FSTL4: variants seen among roughly 807,000 people sequenced by gnomAD.
The protein encoded by FSTL4 is follistatin-related protein 4.
FSTL4 carries 28 observed loss-of-function variants against 78.2 expected under a neutral mutation model. That is an observed-to-expected ratio of 0.36 (90% CI 0.27 to 0.49). The LOEUF is 0.49. Ranked by LOEUF, FSTL4 falls within the 20% of genes least tolerant of loss-of-function variation. The pLI is 0.98. For synonymous variants in FSTL4, 422 were observed against 440.5 expected (o/e 0.96, Z 0.53); for missense variants, 922 against 1,084.9 (o/e 0.85, Z 2.11).
the FSTL4 span, among the ~76,000 whole-genome samples, chr5:133,814,772 C>G: frequency 1.3e-5 from 2 of 152,142 alleles, no homozygotes; most frequent in African/African-American, 4.8e-5. Flanking sequence ...AAACAAATTG[C>G]AACAATGAGA....
At chr5:133,460,878 C>T (rs1757578240) in intron 3 of FSTL4, among the ~76,000 whole-genome samples, 1 of 152,222 alleles carries the variant, frequency 6.6e-6, no homozygotes, top group South Asian at 2.1e-4. Flanking sequence ...AAATCTGTTT[C>T]CTTCAGGTTA....
intron 4 of FSTL4, among the ~76,000 whole-genome samples, chr5:133,334,296 C>A (rs1194325411): frequency 6.6e-6 from 1 of 152,224 alleles, no homozygotes; most frequent in Non-Finnish European, 1.5e-5. Flanking sequence ...TCCACACTCA[C>A]ATGAAGCTTT....
At chr5:133,705,217 G>A in the FSTL4 span, among the ~76,000 whole-genome samples, 4 of 152,024 alleles carry the variant, frequency 2.6e-5, no homozygotes, top group Non-Finnish European at 4.4e-5. Context: ...CTGCCATCAC[G>A]CCCGGCTAAT....
the FSTL4 span, among the ~76,000 whole-genome samples, chr5:133,746,883 G>T: frequency 5.9e-5 from 9 of 152,106 alleles, no homozygotes; most frequent in Non-Finnish European, 1.2e-4. Context: ...GAGAATACCG[G>T]GCAGATGAGA....
chr5:133,712,141 G>A, the FSTL4 span, among the ~76,000 whole-genome samples: 4 of 152,178 alleles, frequency 2.6e-5, no homozygotes, highest in African/African-American at 9.7e-5. Flanking sequence ...AGTCCACTGA[G>A]GCCAACTCAG....
intron 3 of FSTL4, among the ~76,000 whole-genome samples, chr5:133,431,081 T>A (rs1007522345): frequency 2.6e-5 from 4 of 152,074 alleles, no homozygotes; most frequent in African/African-American, 9.7e-5. Context: ...AGGGAGAAAT[T>A]TCTAAGTCAA....
chr5:133,234,436 G>A (rs187463610), intron 7 of FSTL4, among the ~76,000 whole-genome samples: 219 of 152,326 alleles, frequency 1.4e-3, no homozygotes, highest in African/African-American at 5.1e-3. Context: ...AGAGTCCCCT[G>A]ATGAGCACTG....
intron 4 of FSTL4, among the ~76,000 whole-genome samples, chr5:133,372,037 A>G (rs1293494527): frequency 1.3e-5 from 2 of 152,198 alleles, no homozygotes. Context: ...CAAGCAGGGC[A>G]TTTGAAATTG....
chr5:133,841,516 C>G, the FSTL4 span, among the ~76,000 whole-genome samples: 1 of 152,234 alleles, frequency 6.6e-6, no homozygotes, highest in African/African-American at 2.4e-5. Flanking sequence ...TATTGACCAC[C>G]TACTATGTAC....
intron 7 of FSTL4, among the ~76,000 whole-genome samples, chr5:133,234,381 C>A (rs1173371721): frequency 1.3e-5 from 2 of 152,160 alleles, no homozygotes; most frequent in Non-Finnish European, 2.9e-5. Context: ...CTTACTGGGC[C>A]AGTGCACAGA....
chr5:133,447,056 C>T (rs752231003), intron 3 of FSTL4, among the ~76,000 whole-genome samples: 16 of 152,282 alleles, frequency 1.1e-4, no homozygotes, highest in African/African-American at 3.6e-4. Flanking sequence ...GCTCCCCTGC[C>T]GATGCTCTGA....
rs771932941 is a variant in FSTL4 at position 133,233,466 on chromosome 5, A to G, written c.966T>C (p.His322=). ...TTIHMGNYTC[H]ASGHEQLFQT... is the part of the protein sequence containing the mutation. ...GGAACAGCTGCTCGTGGCCGGAAGC[A>G]TGGCAGGTGTAATTGCCCATGTGGA... The change falls in exon 8 of 16, where the codon CAT becomes CAC. Residue 322 remains histidine (H), a synonymous_variant. Transcript: ENST00000265342. The G allele has an allele frequency of 1.9e-6, 3 of 1,614,226 alleles. No individual in the cohort carries two copies. Among genetic ancestry groups the G allele is most frequent in the African/African-American group, 1.3e-5 (1 of 75,068 alleles).
chr5:133,794,090 C>T, the FSTL4 span, among the ~76,000 whole-genome samples: 14 of 152,192 alleles, frequency 9.2e-5, no homozygotes, highest in Non-Finnish European at 1.3e-4. Flanking sequence ...CGCCCTTGAA[C>T]ATGGGGCTGC....
chr5:133,430,579 C>T (rs998886653), intron 3 of FSTL4, among the ~76,000 whole-genome samples: 4 of 152,156 alleles, frequency 2.6e-5, no homozygotes, highest in East Asian at 1.9e-4. Flanking sequence ...AGGCATGCCT[C>T]GGCACCACCC....
chr5:133,629,711 C>G, the FSTL4 span, among the ~76,000 whole-genome samples: 3 of 152,154 alleles, frequency 2.0e-5, no homozygotes, highest in African/African-American at 7.2e-5. Flanking sequence ...AATTTCAGGC[C>G]AATATCCCTG....
chr5:133,605,746 G>A (rs879917123), intron 1 of FSTL4, among the ~76,000 whole-genome samples: 2 of 152,174 alleles, frequency 1.3e-5, no homozygotes, highest in Admixed American at 1.3e-4. Flanking sequence ...TTTAAAAAGA[G>A]TCCATAAGCT....
the FSTL4 span, among the ~76,000 whole-genome samples, chr5:133,751,656 GA>G: frequency 6.6e-6 from 1 of 152,240 alleles, no homozygotes; most frequent in Admixed American, 6.5e-5. Flanking sequence ...GTAGCAGATG[GA>G]GGGGGAGGGA....
At chr5:133,609,153 C>T (rs142636422) in intron 1 of FSTL4, among the ~76,000 whole-genome samples, 1 of 152,226 alleles carries the variant, frequency 6.6e-6, no homozygotes, top group East Asian at 1.9e-4. Flanking sequence ...ATCAACAGGA[C>T]CAGAAATTAC....
chr5:133,352,385 TAC>T (rs1218043419), intron 4 of FSTL4, among the ~76,000 whole-genome samples: 1 of 150,412 alleles, frequency 6.6e-6, no homozygotes, highest in African/African-American at 2.5e-5. Context: ...TATATATATA[TAC>T]ACACACATAT....
Sources: allele counts gnomAD v4.1 joint callset (sites outside exome capture counted in the v4.1 genomes callset), GRCh38; gene constraint gnomAD v4.1.1; transcripts MANE v1.5; gene names NCBI Gene and HGNC (gene_info 2026-07-23, HGNC 2026-07-21).